DCC: variants seen among roughly 807,000 people sequenced by gnomAD.
The protein encoded by DCC is netrin receptor DCC.
A neutral mutation model predicts 172.5 loss-of-function variants in DCC; 58 were observed. The ratio of observed to expected loss-of-function variants is 0.34; its 90% CI spans 0.27 to 0.42. DCC has a LOEUF of 0.42. DCC is among the 10% of genes least tolerant of loss of function. The pLI, the probability that DCC is intolerant of heterozygous loss-of-function variation, is 1.00. For synonymous variants in DCC, 709 were observed against 644.5 expected (o/e 1.10, Z -1.52); for missense variants, 1,740 against 1,791.0 (o/e 0.97, Z 0.51).
chr18:53,188,206 G>C (rs910019151), intron 9 of DCC, among the ~76,000 whole-genome samples: 19 of 152,176 alleles, frequency 1.2e-4, no homozygotes, highest in African/African-American at 4.6e-4. Flanking sequence ...CTGGGGACCA[G>C]AGCTTTTAAG....
At chr18:52,429,899 T>G (rs1987564314) in intron 1 of DCC, among the ~76,000 whole-genome samples, 1 of 152,014 alleles carries the variant, frequency 6.6e-6, no homozygotes, top group African/African-American at 2.4e-5. Context: ...GTGGGTAAGG[T>G]ATTGGGGCTA....
intron 1 of DCC, among the ~76,000 whole-genome samples, chr18:52,421,681 A>G (rs938781694): frequency 6.6e-6 from 1 of 152,140 alleles, no homozygotes; most frequent in Non-Finnish European, 1.5e-5. Context: ...AAAGTTACCA[A>G]GTGGTTCTGG....
chr18:53,128,860 CACACACACACATATATATATATAT>C lies in DCC; in HGVS notation c.1262-28494_1262-28471del, dbSNP rs746661702. The stretch of plus-strand genomic sequence containing the variant: ...ACACACACACACACACACACACACA[CACACACACACATATATATATATAT>C]ATATATATATATATATATATTATTT... On this transcript the variant is annotated intron_variant, in intron 7 of 28. Transcript: ENST00000442544. 8.2e-3 allele frequency among the ~76,000 whole-genome samples: 650 copies of C among 79,292 alleles called. 4 individuals carry two copies. The highest frequency in any genetic ancestry group is 0.041 in the Admixed American group (266 of 6,436). 52.0% of individuals were successfully genotyped at this position (79,292 alleles called of 152,430 possible).
At chr18:52,708,072 T>G (rs981841402) in intron 1 of DCC, among the ~76,000 whole-genome samples, 2 of 152,244 alleles carry the variant, frequency 1.3e-5, no homozygotes, top group African/African-American at 4.8e-5. Context: ...CATTCCATTA[T>G]GTATACATAT....
At chr18:52,582,971 T>C (rs1488908980) in intron 1 of DCC, among the ~76,000 whole-genome samples, 1 of 152,182 alleles carries the variant, frequency 6.6e-6, no homozygotes, top group African/African-American at 2.4e-5. Flanking sequence ...AACATACGTG[T>C]TTCTGAACAC....
intron 27 of DCC, among the ~76,000 whole-genome samples, chr18:53,515,864 G>C (rs918898083): frequency 6.6e-6 from 1 of 151,888 alleles, no homozygotes; most frequent in Non-Finnish European, 1.5e-5. Flanking sequence ...CGTCAAAATG[G>C]CCATACTGCC....
At chr18:52,656,148 G>A (rs1389644467) in intron 1 of DCC, among the ~76,000 whole-genome samples, 2 of 150,018 alleles carry the variant, frequency 1.3e-5, no homozygotes, top group Non-Finnish European at 3.0e-5. Context: ...GTGTATTGAT[G>A]CTATGGTCTA....
At chr18:52,815,123 C>A (rs1484795991) in intron 2 of DCC, among the ~76,000 whole-genome samples, 1 of 151,914 alleles carries the variant, frequency 6.6e-6, no homozygotes, top group East Asian at 1.9e-4. Flanking sequence ...TGAGAGATAC[C>A]ATCCAAATAA....
intron 1 of DCC, among the ~76,000 whole-genome samples, chr18:52,346,960 G>C (rs938290133): frequency 3.9e-5 from 6 of 152,172 alleles, no homozygotes; most frequent in African/African-American, 1.4e-4. Context: ...ACCATTTGTG[G>C]TTATGATGAT....
intron 5 of DCC, among the ~76,000 whole-genome samples, chr18:53,056,022 T>A (rs899925309): frequency 1.3e-5 from 2 of 152,212 alleles, no homozygotes; most frequent in African/African-American, 4.8e-5. Context: ...ATGTTTAACA[T>A]GGAAGCTTGT....
chr18:52,803,554 G>A (rs1339173240), intron 2 of DCC, among the ~76,000 whole-genome samples: 1 of 152,084 alleles, frequency 6.6e-6, no homozygotes, highest in East Asian at 1.9e-4. Flanking sequence ...AAATAGACTA[G>A]TACCTATATA....
chr18:52,875,426 G>A (rs927777222), intron 2 of DCC, among the ~76,000 whole-genome samples: 4 of 152,026 alleles, frequency 2.6e-5, no homozygotes, highest in African/African-American at 4.8e-5. Context: ...GTCTTCCTTC[G>A]AGAGATAGAG....
intron 1 of DCC, among the ~76,000 whole-genome samples, chr18:52,614,053 C>T (rs568440521): frequency 4.3e-4 from 65 of 152,298 alleles, no homozygotes; most frequent in African/African-American, 1.3e-3. Flanking sequence ...TTGGTACCAA[C>T]GCTTTCCAAA....
At chr18:53,430,180 G>T (rs1025672620) in intron 21 of DCC, among the ~76,000 whole-genome samples, 2 of 152,044 alleles carry the variant, frequency 1.3e-5, no homozygotes, top group African/African-American at 4.8e-5. Context: ...TATTTTCAGA[G>T]AACAAATTTT....
At position 53,495,381 on chromosome 18, in the gene DCC, C is replaced by T. The variant is rs545951982; in HGVS notation, c.3899-3917C>T. 5.1e-3 allele frequency among the ~76,000 whole-genome samples: 565 copies of T among 110,926 alleles called. 4 individuals are homozygous for T. Among genetic ancestry groups the T allele is most frequent in the Middle Eastern group, 0.019 (4 of 210 alleles). 72.8% of individuals were successfully genotyped at this position (110,926 alleles called of 152,430 possible). On this transcript the variant is annotated intron_variant, in intron 26 of 28. Transcript: ENST00000442544. ...TTCCAGCCTGGGTAACAGAGCAAGA[C>T]TCCATCTCAAAAAAAAAAAAAAAAA... is the stretch of plus-strand genomic sequence containing the variant.
chr18:53,410,186 T>C (rs1909896485), intron 19 of DCC, among the ~76,000 whole-genome samples: 1 of 152,204 alleles, frequency 6.6e-6, no homozygotes, highest in Non-Finnish European at 1.5e-5. Flanking sequence ...TCAGGATTTA[T>C]AGGTAGCAGA....
intron 2 of DCC, among the ~76,000 whole-genome samples, chr18:52,890,878 A>G (rs959526309): frequency 6.6e-6 from 1 of 152,128 alleles, no homozygotes; most frequent in Non-Finnish European, 1.5e-5. Flanking sequence ...GCAAAGTCAT[A>G]GAACCTGGCA....
intron 8 of DCC, among the ~76,000 whole-genome samples, chr18:53,173,486 TC>T (rs2055044199): frequency 6.6e-6 from 1 of 152,130 alleles, no homozygotes; most frequent in Non-Finnish European, 1.5e-5. Flanking sequence ...ACAGAATTTT[TC>T]ATTGTCTCCA....
At position 53,063,054 on chromosome 18, in the gene DCC, T is replaced by TC. The variant is rs1372156851; in HGVS notation, c.986-251_986-250insC. Among the ~76,000 whole-genome samples the TC allele has an allele frequency of 4.6e-5, 7 of 152,224 alleles. No individual in the cohort carries two copies. The South Asian group carries it at 1.0e-3, about 23-fold the overall frequency. On this transcript the variant is annotated intron_variant, in intron 5 of 28. Coordinates refer to ENST00000442544, the MANE Select transcript of DCC (RefSeq NM_005215.4). ...AATGTTTATTATGTATGTTTTTTTT[T>TC]TCCAAAAAGTGTTTCCTTTTTTCTT...
Sources: allele counts gnomAD v4.1 joint callset (sites outside exome capture counted in the v4.1 genomes callset), GRCh38; gene constraint gnomAD v4.1.1; transcripts MANE v1.5; gene names NCBI Gene and HGNC (gene_info 2026-07-23, HGNC 2026-07-21).